Variants in SLC12A4 observed in about 807,000 individuals in gnomAD.
The protein encoded by SLC12A4 is electroneutral potassium-chloride cotransporter 1.
A neutral mutation model predicts 119.2 loss-of-function variants in SLC12A4; 84 were observed. The ratio of observed to expected loss-of-function variants is 0.70; its 90% CI spans 0.59 to 0.85. The LOEUF (loss-of-function observed/expected upper bound fraction) is 0.85. Among genes scored for constraint, SLC12A4 ranks in the 40% least tolerant of loss-of-function variants. The pLI is 0.00. For synonymous variants in SLC12A4, 599 were observed against 604.6 expected, an observed-to-expected ratio of 0.99 and a Z score of 0.14; for missense variants, 1,298 against 1,476.3, an observed-to-expected ratio of 0.88 and a Z score of 1.98.
chr16:67,949,162 T>C lies in SLC12A4; in HGVS notation c.1748+638A>G, dbSNP rs1205427782. The stretch of plus-strand genomic sequence containing the variant: ...TGTTAAAAGCAAATGACTTTGAAAA[T>C]GGATGGGTTGGGCATGGTGGCTCAC... On this transcript the variant is annotated intron_variant, in intron 13 of 23. Coordinates refer to ENST00000316341, the MANE Select transcript of SLC12A4 (RefSeq NM_005072.5). This position sits in a 1 kb window ranked among gnomAD's most constrained non-coding sequence, Gnocchi z 4.6. Among the ~76,000 whole-genome samples the C allele has an allele frequency of 3.3e-5, 5 of 151,994 alleles. No homozygotes were observed. Among genetic ancestry groups the C allele is most frequent in the Admixed American group, 6.6e-5 (1 of 15,266 alleles).
chr16:67,961,803 AGACAGGCCTGG>A, intron 2 of SLC12A4, 97 bp from the exon 3 acceptor site: 1 of 1,514,950 alleles, frequency 6.6e-7, no homozygotes, highest in Admixed American at 1.7e-5. Flanking sequence ...CCAAGCCCTG[AGACAGGCCTGG>A]GCCTGATCCC....
At chr16:67,966,822 A>G (rs1055891087) in intron 1 of SLC12A4, 2 of 1,549,980 alleles carry the variant, frequency 1.3e-6, no homozygotes, top group Non-Finnish European at 1.7e-6. Context: ...AGGAGGAGAA[A>G]GAGGAAGGGA....
Position 67,946,575 on chromosome 16 carries a change from GCCA to G in SLC12A4, c.2297_2299del (p.Val766del). 3 of 1,612,890 alleles carry G rather than the reference GCCA, an allele frequency of 1.9e-6. No individual in the cohort carries two copies. Among genetic ancestry groups the G allele is most frequent in the Non-Finnish European group, 1.7e-6 (2 of 1,180,014 alleles). On this transcript the variant is annotated inframe_deletion, in exon 18 of 24. Transcript: ENST00000316341. ...GGCCAGCCCCTCCCGCACCTTGCTG[GCCA>G]CCACCACCTGGCAGAAGCCCTTCAC...
intron 1 of SLC12A4, chr16:67,966,738 A>G (rs1386034241): frequency 1.3e-6 from 2 of 1,551,482 alleles, no homozygotes; most frequent in Admixed American, 3.9e-5. Flanking sequence ...CCCACCAAGG[A>G]TCAAAATCAC....
chr16:67,966,696 C>T, intron 1 of SLC12A4: 1 of 1,548,254 alleles, frequency 6.5e-7, no homozygotes, highest in South Asian at 1.2e-5. Context: ...CTGAGGCTCA[C>T]TGTGCTTTGT....
upstream of SLC12A4, chr16:67,968,652 C>T (rs561348331): frequency 2.2e-4 from 289 of 1,284,968 alleles, 1 homozygote; most frequent in Middle Eastern, 3.6e-3. Flanking sequence ...CGCCCGCTCG[C>T]ATTCCTCCCC....
At chr16:67,946,870 C>T in intron 17 of SLC12A4, 67 bp downstream of exon 17, 1 of 1,529,326 alleles carries the variant, frequency 6.5e-7, no homozygotes, top group Admixed American at 1.9e-5. Context: ...CTGGGCCCTC[C>T]CCTCCGTGCC....
chr16:67,951,529 G>A lies in SLC12A4; in HGVS notation c.1133-225C>T, dbSNP rs979264282. On this transcript the variant is annotated intron_variant, in intron 8 of 23. Coordinates refer to ENST00000316341, the MANE Select transcript of SLC12A4 (RefSeq NM_005072.5). The surrounding 1 kb of genome is among the most constrained non-coding windows in gnomAD (Gnocchi z 5.2). ...GCTGAACCACCGTCACCCAGAGCCC[G>A]CCACTGCCCGCCTTCCACAGAGGCC... The A allele has an allele frequency of 1.3e-5, 8 of 613,086 alleles. No homozygotes were observed. Among genetic ancestry groups the A allele is most frequent in the Admixed American group, 6.0e-5 (2 of 33,394 alleles). The allele number at this position is 613,086 out of a possible 1,614,324, so 38.0% of individuals were successfully genotyped here.
chr16:67,959,051 C>T (rs2030426299), intron 3 of SLC12A4, among the ~76,000 whole-genome samples: 2 of 152,284 alleles, frequency 1.3e-5, no homozygotes, highest in Admixed American at 6.5e-5. Flanking sequence ...TGCTTCTGAA[C>T]CCAGTGAGTG....
In SLC12A4 at chr16:67,949,985, G is replaced by A. The variant is rs1244307218; in HGVS notation, c.1630-67C>T. The stretch of plus-strand genomic sequence containing the variant: ...TCCACACCTTGGGCCCCAGACCCCA[G>A]CCTGGCCTCCCTCACCCCCAGGGCC... On this transcript the variant is annotated intron_variant, in intron 12 of 23. Coordinates refer to ENST00000316341, the MANE Select transcript of SLC12A4 (RefSeq NM_005072.5). This position sits in a 1 kb window ranked among gnomAD's most constrained non-coding sequence, Gnocchi z 4.6. 19 of 1,306,760 alleles carry A rather than the reference G, an allele frequency of 1.5e-5. No homozygotes were observed. In the East Asian group the frequency reaches 3.7e-4, roughly 26 times the overall value. The allele number at this position is 1,306,760 out of a possible 1,614,324, so 80.9% of individuals were successfully genotyped here.
Position 67,946,287 on chromosome 16 carries a change from T to G in SLC12A4, c.2491A>C (p.Ile831Leu), listed in dbSNP as rs1299473531. ...AHLALLVPKN[I>L]AFYPSNHERY... ...TCGTGGTTGCTGGGGTAGAAGGCGA[T>G]GTTCTTGGGCACGAGCAGGGCCAGG... Residue 831 changes from isoleucine to leucine, a missense_variant, in exon 19 of 24, where the codon ATC (isoleucine) becomes CTC (leucine). By Grantham distance (5) the Ile-to-Leu change is conservative (BLOSUM62 2). Coordinates refer to ENST00000316341, the MANE Select transcript of SLC12A4 (RefSeq NM_005072.5). 1.2e-6 allele frequency: 2 copies of G among 1,613,072 alleles called. No individual in the cohort carries two copies. Among genetic ancestry groups the G allele is most frequent in the Non-Finnish European group, 1.7e-6 (2 of 1,180,024 alleles).
chr16:67,967,480 T>C (rs1407319737), intron 1 of SLC12A4, among the ~76,000 whole-genome samples: 1 of 152,196 alleles, frequency 6.6e-6, no homozygotes, highest in Non-Finnish European at 1.5e-5. Flanking sequence ...TACACACTTG[T>C]ACAAGCACAA....
At chr16:67,948,230 TGGCCCAGAAACGGGGCGTGGCCC>T (rs2058374470) in intron 13 of SLC12A4, 71 bp from the exon 14 acceptor site, 1 of 1,494,914 alleles carries the variant, frequency 6.7e-7, no homozygotes, top group Non-Finnish European at 9.3e-7. Context: ...AGGCTGGGCC[TGGCCCAGAAACGGGGCGTGGCCC>T]GGCCCTGCCC....
intron 14 of SLC12A4, 91 bp from the exon 15 acceptor site, chr16:67,947,879 G>T: frequency 1.3e-6 from 2 of 1,520,206 alleles, no homozygotes; most frequent in Admixed American, 2.0e-5. Context: ...GTCAGGTCCC[G>T]GGTGGGAGGT....
chr16:67,958,070 G>A (rs762683370), intron 3 of SLC12A4, 26 bp from the exon 4 acceptor site: 49 of 1,608,336 alleles, frequency 3.0e-5, no homozygotes, highest in Middle Eastern at 1.7e-4. Context: ...GGGAGGGGGC[G>A]AGTAGAGCAT....
rs371229118 is a variant in SLC12A4, at chr16:67,961,597, C to G, written c.320G>C (p.Gly107Ala). The change falls in exon 3 of 24, where the codon GGC becomes GCC. Residue 107 changes from glycine (G) to alanine (A), a missense_variant. Physicochemically the swap from Gly to Ala is moderately conservative, Grantham distance 60. Transcript: ENST00000316341. ...CACCTCGGCTGCCCTCCGGCGGGTGCCCTCCCCACTCTCGGCCTCCTCATG... is the reference window on the plus strand; with the variant it reads ...CACCTCGGCTGCCCTCCGGCGGGTGGCCTCCCCACTCTCGGCCTCCTCATG... ...KEHEEAESGE[G>A]TRRRAAEAPS... The G allele has an allele frequency of 4.3e-6, 7 of 1,613,568 alleles. No homozygotes were observed. The highest frequency in any genetic ancestry group is 5.1e-6 in the Non-Finnish European group (6 of 1,179,982).
Position 67,946,990 on chromosome 16 carries a change from C to T in SLC12A4, c.2188G>A (p.Val730Ile). ...AGKGLTIVGS[V>I]IQGSFLESYG... ...CTCTCCAAGAAGCTCCCCTGGATGA[C>T]AGAACCAACAATGGTCAGGCCCTTG... The change falls in exon 17 of 24, where the codon GTC becomes ATC. Residue 730 changes from valine (V) to isoleucine (I), a missense_variant. Transcript: ENST00000316341. 6.2e-7 allele frequency: 1 copy of T among 1,613,316 alleles called. No homozygotes were observed. Among genetic ancestry groups the T allele is most frequent in the Non-Finnish European group, 8.5e-7 (1 of 1,180,028 alleles).
intron 3 of SLC12A4, among the ~76,000 whole-genome samples, chr16:67,961,313 C>T (rs1276748450): frequency 6.6e-6 from 1 of 152,182 alleles, no homozygotes; most frequent in East Asian, 1.9e-4. Flanking sequence ...ACCTCGCACA[C>T]AGTAAAGGCT....
At chr16:67,952,490 G>A (rs2029976735) in intron 6 of SLC12A4, 65 bp from the exon 7 acceptor site, 2 of 1,593,434 alleles carry the variant, frequency 1.3e-6, no homozygotes, top group Non-Finnish European at 1.7e-6. Flanking sequence ...TTGTCGTTTT[G>A]GTTTTCTTTT....
Sources: gnomAD v4.1 joint callset for allele counts (sites outside exome capture counted in the v4.1 genomes callset) on GRCh38, gnomAD v4.1.1 for gene constraint, Gnocchi (gnomAD v3.1) non-coding constraint, MANE v1.5 for transcripts, NCBI Gene and HGNC (gene_info 2026-07-23, HGNC 2026-07-21) for gene names.